The following CEP128 variants were observed in gnomAD, a reference collection of about 807,000 sequenced individuals.
The protein encoded by CEP128 is centrosomal protein 128.
In CEP128, 132 loss-of-function variants were observed where a neutral mutation model predicts 156.7. The observed-to-expected ratio is 0.84, with a 90% confidence interval of 0.73 to 0.97. The LOEUF (loss-of-function observed/expected upper bound fraction) is 0.97, where lower values mean the gene tolerates loss of function less well. Among genes scored for constraint, CEP128 ranks in the 50% least tolerant of loss-of-function variants. The probability of loss-of-function intolerance (pLI) is 0.00; values close to 1 mark genes in which losing one functional copy is unlikely to be tolerated. For synonymous variants in CEP128, 469 were observed against 448.9 expected (o/e 1.04, Z -0.57); for missense variants, 1,252 against 1,281.9 (o/e 0.98, Z 0.36).
intron 2 of CEP128, chr14:80,955,942 C>T: frequency 6.7e-7 from 1 of 1,483,758 alleles, no homozygotes; most frequent in Non-Finnish European, 9.4e-7. Flanking sequence ...CAATAACAGC[C>T]CGAAGTAGTG....
intron 20 of CEP128, among the ~76,000 whole-genome samples, chr14:80,570,377 A>C (rs1891088409): frequency 6.6e-6 from 1 of 152,088 alleles, no homozygotes; most frequent in African/African-American, 2.4e-5. Context: ...CGGCCTCCCA[A>C]AGTGCTGGGA....
intron 9 of CEP128, among the ~76,000 whole-genome samples, chr14:80,855,837 G>A (rs1239096013): frequency 2.6e-5 from 4 of 152,132 alleles, no homozygotes; most frequent in African/African-American, 7.2e-5. Flanking sequence ...CAAGGGAGAC[G>A]CAAAAGCTAT....
At chr14:80,660,604 T>G (rs1895358620) in intron 19 of CEP128, among the ~76,000 whole-genome samples, 1 of 152,122 alleles carries the variant, frequency 6.6e-6, no homozygotes, top group African/African-American at 2.4e-5. Context: ...CCTTGTTGAG[T>G]GAAAAGCTTC....
intron 19 of CEP128, among the ~76,000 whole-genome samples, chr14:80,698,924 A>G (rs1896977796): frequency 6.6e-6 from 1 of 152,218 alleles, no homozygotes; most frequent in African/African-American, 2.4e-5. Context: ...TTACTAGAGT[A>G]GCAGTAGACC....
At chr14:80,538,575 T>C (rs1889592600) in intron 21 of CEP128, among the ~76,000 whole-genome samples, 1 of 152,180 alleles carries the variant, frequency 6.6e-6, no homozygotes, top group Non-Finnish European at 1.5e-5. Context: ...TTATCATATA[T>C]CAATCCATCT....
chr14:80,826,049 T>A (rs974617437), intron 13 of CEP128, among the ~76,000 whole-genome samples: 6 of 141,676 alleles, frequency 4.2e-5, no homozygotes, highest in Non-Finnish European at 8.9e-5. Flanking sequence ...GAGGTTGCAG[T>A]GAGCCGAGAT....
chr14:80,799,080 A>G (rs900774284), intron 13 of CEP128, among the ~76,000 whole-genome samples: 7 of 152,208 alleles, frequency 4.6e-5, no homozygotes, highest in African/African-American at 7.2e-5. Context: ...GTGGCATATC[A>G]TGGAAACAGA....
In CEP128 at chr14:80,916,427, C is replaced by A; in HGVS notation, c.121G>T (p.Val41Phe). ...TGTAAAGTACTTGTTATAGTGTTGACCTTCTCGGTAACTTCTACTGTAGGA... is the reference window on the plus strand; with the variant it reads ...TGTAAAGTACTTGTTATAGTGTTGAACTTCTCGGTAACTTCTACTGTAGGA... ...SLPTVEVTEK[V>F]NTITSTLQDT... The change falls in exon 3 of 25, where the codon GTC (valine) becomes TTC (phenylalanine). Residue 41 changes from valine to phenylalanine, a missense_variant. Val to Phe is a conservative substitution (Grantham distance 50, BLOSUM62 -1). Transcript: ENST00000555265. The A allele has an allele frequency of 6.2e-7, 1 of 1,613,970 alleles. No individual in the cohort carries two copies.
At chr14:80,571,842 C>T (rs1421424123) in intron 20 of CEP128, among the ~76,000 whole-genome samples, 5 of 93,276 alleles carry the variant, frequency 5.4e-5, no homozygotes, top group Admixed American at 2.9e-4. Context: ...TTTTTCATTG[C>T]TCTTAAGTAT....
intron 19 of CEP128, among the ~76,000 whole-genome samples, chr14:80,592,317 G>T (rs1892110860): frequency 6.6e-6 from 1 of 151,964 alleles, no homozygotes; most frequent in African/African-American, 2.4e-5. Context: ...ATGGTGAAGG[G>T]GATATCACCA....
intron 19 of CEP128, among the ~76,000 whole-genome samples, chr14:80,739,740 G>A (rs1416674705): frequency 1.3e-5 from 2 of 151,878 alleles, no homozygotes; most frequent in Non-Finnish European, 2.9e-5. Context: ...CAATGTTATT[G>A]TGTCCCTAAA....
intron 2 of CEP128, among the ~76,000 whole-genome samples, chr14:80,917,119 A>G (rs552720189): frequency 6.6e-6 from 1 of 152,376 alleles, no homozygotes; most frequent in East Asian, 1.9e-4. Flanking sequence ...TACAAATTCT[A>G]CAATAACAGA....
At chr14:80,862,175 CTG>C (rs1566677666) in intron 9 of CEP128, among the ~76,000 whole-genome samples, 1 of 152,180 alleles carries the variant, frequency 6.6e-6, no homozygotes, top group African/African-American at 2.4e-5. Flanking sequence ...AAGGGCCAAA[CTG>C]CCAATACTTT....
rs1363689171 is a variant in CEP128, at chr14:80,530,881, G to C, written c.2886C>G (p.Thr962=). 3 of 1,598,730 alleles carry C rather than the reference G, an allele frequency of 1.9e-6. No homozygotes were observed. In the Admixed American group the frequency reaches 5.1e-5, roughly 27 times the overall value. Residue 962 remains threonine, a synonymous_variant, in exon 22 of 25, where the codon ACC becomes ACG. Coordinates refer to ENST00000555265, the MANE Select transcript of CEP128 (RefSeq NM_152446.5). ...QDRVIALETS[T]QVALDHLESV... Reference sequence around the variant, plus strand: ...ACTCCAGATGGTCCAAGGCCACTTGGGTACTCTGAAATAGAAAACATAAGG... The same window carrying C: ...ACTCCAGATGGTCCAAGGCCACTTGCGTACTCTGAAATAGAAAACATAAGG...
At chr14:80,716,846 C>A (rs945448439) in intron 19 of CEP128, among the ~76,000 whole-genome samples, 1 of 152,200 alleles carries the variant, frequency 6.6e-6, no homozygotes, top group East Asian at 1.9e-4. Context: ...CATATTCTCA[C>A]CAGAAGTGTA....
At chr14:80,485,678 C>T (rs1241902773), downstream of CEP128, among the ~76,000 whole-genome samples, 1 of 152,048 alleles carries the variant, frequency 6.6e-6, no homozygotes, top group African/African-American at 2.4e-5. Flanking sequence ...AGATTTGGCA[C>T]ATAATAGGTC....
At chr14:80,661,610 A>G (rs1313699458) in intron 19 of CEP128, among the ~76,000 whole-genome samples, 2 of 152,228 alleles carry the variant, frequency 1.3e-5, no homozygotes, top group Non-Finnish European at 2.9e-5. Flanking sequence ...TTACCTGTAT[A>G]CAATATAAAT....
chr14:80,484,858 A>C (rs757396980), intron 14 of CEP128, among the ~76,000 whole-genome samples: 1 of 152,218 alleles, frequency 6.6e-6, no homozygotes, highest in Non-Finnish European at 1.5e-5. Context: ...ATTGCACGGG[A>C]AAATTTTTCT....
At chr14:80,751,508 A>G (rs1899391169) in intron 18 of CEP128, among the ~76,000 whole-genome samples, 1 of 152,232 alleles carries the variant, frequency 6.6e-6, no homozygotes, top group South Asian at 2.1e-4. Flanking sequence ...ATCACAGAGC[A>G]AAAACCATTC....
Sources: allele counts gnomAD v4.1 joint callset (sites outside exome capture counted in the v4.1 genomes callset), GRCh38; gene constraint gnomAD v4.1.1; transcripts MANE v1.5; gene names NCBI Gene and HGNC (gene_info 2026-07-23, HGNC 2026-07-21).